The following ELF4 variants were observed in gnomAD, a reference collection of about 807,000 sequenced individuals.
The protein encoded by ELF4 is E74 like ETS transcription factor 4, also known as ETS-related transcription factor Elf-4.
A neutral mutation model predicts 31.7 loss-of-function variants in ELF4; 10 were observed. The ratio of observed to expected loss-of-function variants is 0.32; its 90% confidence interval spans 0.19 to 0.54. The LOEUF (loss-of-function observed/expected upper bound fraction) is 0.54, where lower values mean the gene tolerates loss of function less well. Among genes scored for constraint, ELF4 ranks in the 20% least tolerant of loss-of-function variants. ELF4 has a pLI of 0.95. For synonymous variants in ELF4, 208 were observed against 226.7 expected (o/e 0.92, Z 0.74); for missense variants, 418 against 522.0 (o/e 0.80, Z 1.94).
upstream of ELF4, among the ~76,000 whole-genome samples, chrX:130,111,058 C>T (rs1933480643): frequency 9.9e-6 from 1 of 101,420 alleles, no homozygotes; most frequent in Admixed American, 1.0e-4. Flanking sequence ...AAACAGCGCC[C>T]GTCCGCCCCG....
intron 2 of ELF4, among the ~76,000 whole-genome samples, chrX:130,076,305 G>A (rs1932834221): frequency 9.0e-6 from 1 of 111,014 alleles, no homozygotes; most frequent in Non-Finnish European, 1.9e-5. Context: ...CAGGTGCATC[G>A]CTTGAGCCTA....
chrX:130,107,050 C>T (rs867022253), intron 1 of ELF4, among the ~76,000 whole-genome samples: 10 of 112,022 alleles, frequency 8.9e-5, no homozygotes, highest in East Asian at 2.8e-4. Context: ...CCAAGACGGG[C>T]GGATCACCTG....
intron 1 of ELF4, among the ~76,000 whole-genome samples, chrX:130,090,970 G>A (rs899173954): frequency 8.1e-5 from 9 of 111,125 alleles, no homozygotes; most frequent in African/African-American, 2.3e-4. Context: ...ACGCCACCGT[G>A]CCCGGCTAAC....
chrX:130,086,832 T>G (rs1250387592), intron 1 of ELF4, among the ~76,000 whole-genome samples: 2 of 112,294 alleles, frequency 1.8e-5, no homozygotes, highest in Non-Finnish European at 3.8e-5. Flanking sequence ...CCCCACTGGC[T>G]CCAGAATACA....
intron 1 of ELF4, among the ~76,000 whole-genome samples, chrX:130,082,081 A>G (rs1182476341): frequency 1.8e-5 from 2 of 111,673 alleles, no homozygotes; most frequent in Non-Finnish European, 3.8e-5. Context: ...GCCTGGCTCC[A>G]GGTGAAGTCA....
In ELF4 at chrX:130,081,104, A is replaced by G. The variant is rs185667252; in HGVS notation, c.75+152T>C. ...CTGGCACGCAGGCTGGCTGGCAAGCAGGGCCAGTGCCCTGAGCATAGTAGG... is the reference window on the plus strand; with the variant it reads ...CTGGCACGCAGGCTGGCTGGCAAGCGGGGCCAGTGCCCTGAGCATAGTAGG... On this transcript the variant is annotated intron_variant, in intron 2 of 8. Transcript: ENST00000308167. The G allele has an allele frequency of 8.1e-4, 563 of 697,880 alleles. 6 individuals are homozygous for G. In the East Asian group the frequency reaches 0.015, roughly 19 times the overall value. The allele number at this position is 697,880 out of a possible 1,213,427, so 57.5% of individuals were successfully genotyped here. A position where few individuals can be genotyped will look rare whatever the true frequency, so the allele number is the denominator to read the frequency against.
In ELF4 at chrX:130,066,586, C is replaced by T. The variant is rs1032043739; in HGVS notation, c.*135G>A. Reference sequence around the variant, plus strand: ...ACTGTTTGGCCACAGTGACACCAGGCAGGGCCGGGGGACTTGGGGTCAAGT... The same window carrying T: ...ACTGTTTGGCCACAGTGACACCAGGTAGGGCCGGGGGACTTGGGGTCAAGT... On this transcript the variant is annotated 3_prime_UTR_variant, in exon 9 of 9. Transcript: ENST00000308167. 1 of 680,094 alleles carries T rather than the reference C, an allele frequency of 1.5e-6. No homozygotes were observed. Among genetic ancestry groups the T allele is most frequent in the Non-Finnish European group, 2.3e-6 (1 of 436,299 alleles). The allele number at this position is 680,094 out of a possible 1,213,427, so 56.0% of individuals were successfully genotyped here.
chrX:130,095,763 G>C (rs1933137953), intron 1 of ELF4, among the ~76,000 whole-genome samples: 1 of 112,255 alleles, frequency 8.9e-6, no homozygotes, highest in African/African-American at 3.2e-5. Context: ...TTTCCAGAGA[G>C]TTCCTGGCTC....
intron 1 of ELF4, among the ~76,000 whole-genome samples, chrX:130,101,021 C>T (rs1933244396): frequency 8.9e-6 from 1 of 112,270 alleles, no homozygotes; most frequent in Admixed American, 9.5e-5. Context: ...GATGTATTAG[C>T]TAGAGTCATT....
At position 130,081,699 on chromosome X, in the gene ELF4, GAAGA is replaced by G. The variant is rs562714925; in HGVS notation, c.-209-164_-209-161del. ...ATGATGAGAGAAGAAAAGCGACAGA[GAAGA>G]AAGAGGTCAGGGAAAGAAAGAAGGA... On this transcript the variant is annotated intron_variant, in intron 1 of 8. Transcript: ENST00000308167. Among the ~76,000 whole-genome samples, 49 of 112,551 alleles carry G rather than the reference GAAGA, an allele frequency of 4.4e-4. No homozygotes were observed. The South Asian group carries it at 0.018, about 41-fold the overall frequency.
intron 1 of ELF4, among the ~76,000 whole-genome samples, chrX:130,098,620 C>T (rs1933192574): frequency 9.0e-6 from 1 of 111,595 alleles, no homozygotes; most frequent in Admixed American, 9.5e-5. Flanking sequence ...GATCTATGCA[C>T]CCACCCAAAG....
intron 1 of ELF4, among the ~76,000 whole-genome samples, chrX:130,101,221 A>G (rs1205049233): frequency 1.8e-5 from 2 of 112,389 alleles, no homozygotes; most frequent in African/African-American, 6.5e-5. Flanking sequence ...GGATAACTAT[A>G]TGAGGAAAAA....
chrX:130,099,447 G>A lies in ELF4; in HGVS notation c.-210+10878C>T, dbSNP rs759589375. Among the ~76,000 whole-genome samples, 20 of 110,464 alleles carry A rather than the reference G, an allele frequency of 1.8e-4. No homozygotes were observed. In the South Asian group the frequency reaches 7.5e-3, roughly 42 times the overall value. On this transcript the variant is annotated intron_variant, in intron 1 of 8. Transcript: ENST00000308167. ...AAATTATCTGGGTGTGGTGGCGGGCGCCTGTAATCCCAGCTACTTGGAAGG... is the reference window on the plus strand; with the variant it reads ...AAATTATCTGGGTGTGGTGGCGGGCACCTGTAATCCCAGCTACTTGGAAGG...
chrX:130,086,652 T>C (rs771553799), intron 1 of ELF4, among the ~76,000 whole-genome samples: 6 of 111,855 alleles, frequency 5.4e-5, no homozygotes, highest in Non-Finnish European at 1.1e-4. Flanking sequence ...CAGGTGAGGG[T>C]TGTGAGTAAT....
Position 130,069,616 on chromosome X carries a change from T to G in ELF4, c.871A>C (p.Lys291Gln). 1 of 1,211,972 alleles carries G rather than the reference T, an allele frequency of 8.3e-7. No homozygotes were observed. Among genetic ancestry groups the G allele is most frequent in the Non-Finnish European group, 1.1e-6 (1 of 895,462 alleles). Residue 291 changes from lysine (K) to glutamine (Q), a missense_variant, in exon 8 of 9, where the codon AAG (lysine) becomes CAG (glutamine). Transcript: ENST00000308167. ...VEGQRLVYQF[K>Q]EMPKDLVVIE... ...ACCACCAGGTCCTTGGGCATCTCCT[T>G]AAACTGGTACACCAGCCTCTGCCCT...
rs904733484 is a variant in ELF4 at position 130,066,034 on chromosome X, G to T, written c.*687C>A. On this transcript the variant is annotated 3_prime_UTR_variant, in exon 9 of 9. Coordinates refer to ENST00000308167, the MANE Select transcript of ELF4 (RefSeq NM_001421.4). ...CTCGGCCTTTGTGTCCCTGAGGAGC[G>T]CATCTTCCCCAATGTGCATGCGCAT... is the stretch of plus-strand genomic sequence containing the variant. 10 of 172,823 alleles carry T rather than the reference G, an allele frequency of 5.8e-5. No individual in the cohort carries two copies. The highest frequency in any genetic ancestry group is 3.5e-3 in the Middle Eastern group (2 of 564). The allele number at this position is 172,823 out of a possible 1,213,427, so 14.2% of individuals were successfully genotyped here.
chrX:130,110,140 G>A (rs1160332386), intron 1 of ELF4, among the ~76,000 whole-genome samples, 185 bp downstream of exon 1: 1 of 111,492 alleles, frequency 9.0e-6, no homozygotes, highest in African/African-American at 3.3e-5. Context: ...TCCCGGGATC[G>A]GGAGCCCGGG....
At chrX:130,109,772 G>A (rs1012000813) in intron 1 of ELF4, among the ~76,000 whole-genome samples, 1 of 113,247 alleles carries the variant, frequency 8.8e-6, no homozygotes. Flanking sequence ...GGAACCCGGA[G>A]GCGGGAGAGT....
In ELF4 at chrX:130,066,682, A is replaced by G. The variant is rs199655505; in HGVS notation, c.*39T>C. On this transcript the variant is annotated 3_prime_UTR_variant, in exon 9 of 9. Transcript: ENST00000308167. ...TCGGTCCCTATGAAAATGCTGCTCA[A>G]TTTTGCCTGGTGGGTCACACTTGCC... The G allele has an allele frequency of 3.4e-5, 41 of 1,189,278 alleles. No homozygotes were observed. The highest frequency in any genetic ancestry group is 3.0e-4 in the East Asian group (10 of 33,624).
Sources: allele counts gnomAD v4.1 joint callset (sites outside exome capture counted in the v4.1 genomes callset), GRCh38; gene constraint gnomAD v4.1.1; transcripts MANE v1.5; gene names NCBI Gene and HGNC (gene_info 2026-07-23, HGNC 2026-07-21).